The following ZNF618 variants were observed in gnomAD, a reference collection of about 807,000 sequenced individuals.
The protein encoded by ZNF618 is zinc finger protein 618.
ZNF618 carries 34 observed loss-of-function variants against 103.0 expected under a neutral mutation model. The observed-to-expected ratio is 0.33, with a 90% CI of 0.25 to 0.44. The LOEUF (loss-of-function observed/expected upper bound fraction) is 0.44, where lower values mean the gene tolerates loss of function less well. Ranked by LOEUF, ZNF618 falls within the 20% of genes least tolerant of loss-of-function variation. The pLI is 1.00. For synonymous variants in ZNF618, 551 were observed against 542.2 expected (o/e 1.02, Z -0.23); for missense variants, 1,059 against 1,295.4 (o/e 0.82, Z 2.80).
chr9:113,970,175 CAG>C (rs140088372), intron 2 of ZNF618, among the ~76,000 whole-genome samples: 48 of 149,216 alleles, frequency 3.2e-4, no homozygotes, highest in East Asian at 1.6e-3. Context: ...AAGAGAGAGC[CAG>C]AGAGAGAGAG....
At position 114,028,938 on chromosome 9, in the gene ZNF618, A is replaced by G; in HGVS notation, c.1050A>G (p.Pro350=). 6.4e-7 allele frequency: 1 copy of G among 1,550,728 alleles called. No homozygotes were observed. The highest frequency in any genetic ancestry group is 8.7e-7 in the Non-Finnish European group (1 of 1,146,996). ...PATQTQTFRT[P]NSGSPASKAT... Reference sequence around the variant, plus strand: ...CCCAAACCCAGACGTTCCGCACTCCAAATTCGGGATCTCCGGCGAGCAAGG... The same window carrying G: ...CCCAAACCCAGACGTTCCGCACTCCGAATTCGGGATCTCCGGCGAGCAAGG... Residue 350 remains proline, a synonymous_variant, in exon 11 of 15, where the codon CCA becomes CCG. Coordinates refer to ENST00000374126, the MANE Select transcript of ZNF618 (RefSeq NM_001318042.2).
At chr9:113,929,421 C>A (rs963281387) in intron 1 of ZNF618, among the ~76,000 whole-genome samples, 1 of 152,186 alleles carries the variant, frequency 6.6e-6, no homozygotes, top group Non-Finnish European at 1.5e-5. Context: ...GTTTTTGCAG[C>A]TTTTTTCTTG....
intron 1 of ZNF618, among the ~76,000 whole-genome samples, chr9:113,936,773 C>T (rs977218411): frequency 6.6e-6 from 1 of 152,116 alleles, no homozygotes; most frequent in Non-Finnish European, 1.5e-5. Flanking sequence ...TTAAATACCT[C>T]TTCATTCCAA....
rs947976590 is a variant in ZNF618, at chr9:114,055,062, G to A, written c.*4895G>A. The A allele has an allele frequency of 1.3e-5, 2 of 152,106 alleles. No individual in the cohort carries two copies. The highest frequency in any genetic ancestry group is 2.9e-5 in the Non-Finnish European group (2 of 68,044). The allele number at this position is 152,106 out of a possible 1,614,324, so 9.4% of individuals were successfully genotyped here. On this transcript the variant is annotated 3_prime_UTR_variant, in exon 15 of 15. Transcript: ENST00000374126. ...ACCCACGAGGGCCCTGCCCAACCGT[G>A]CGTCCCATGGGGCACCTTGACTCTT... is the stretch of plus-strand genomic sequence containing the variant.
In ZNF618 at chr9:114,056,243, A is replaced by G. The variant is rs1010213874; in HGVS notation, c.*6076A>G. ...AGCCAAATCAGTTTCATGATGTTCA[A>G]AACATTTACTGATGTCAAATGGAGG... On this transcript the variant is annotated 3_prime_UTR_variant, in exon 15 of 15. Coordinates refer to ENST00000374126, the MANE Select transcript of ZNF618 (RefSeq NM_001318042.2). The G allele has an allele frequency of 5.3e-5, 8 of 152,226 alleles. No homozygotes were observed. The highest frequency in any genetic ancestry group is 1.9e-4 in the African/African-American group (8 of 41,444). 9.4% of individuals were successfully genotyped at this position (152,226 alleles called of 1,614,324 possible).
chr9:114,010,910 G>A (rs1842181167), intron 9 of ZNF618, among the ~76,000 whole-genome samples: 1 of 152,118 alleles, frequency 6.6e-6, no homozygotes, highest in African/African-American at 2.4e-5. Context: ...TTTGAATGCT[G>A]TTGTCACCAG....
intron 1 of ZNF618, among the ~76,000 whole-genome samples, chr9:113,930,277 A>G (rs925157728): frequency 6.6e-6 from 1 of 152,246 alleles, no homozygotes; most frequent in African/African-American, 2.4e-5. Flanking sequence ...AGGGGCAGGA[A>G]AAGCGTTGCA....
intron 1 of ZNF618, among the ~76,000 whole-genome samples, chr9:113,909,740 C>G (rs1484307966): frequency 6.6e-6 from 1 of 152,010 alleles, no homozygotes; most frequent in Non-Finnish European, 1.5e-5. Flanking sequence ...GCGGATGCTC[C>G]CATGCTGTAT....
chr9:113,956,334 T>C (rs1175378174), intron 1 of ZNF618, among the ~76,000 whole-genome samples: 1 of 151,948 alleles, frequency 6.6e-6, no homozygotes, highest in Non-Finnish European at 1.5e-5. Context: ...CACAGCACTC[T>C]TTCTAACCGA....
chr9:113,912,159 G>C (rs1055640546), intron 1 of ZNF618, among the ~76,000 whole-genome samples: 1 of 152,216 alleles, frequency 6.6e-6, no homozygotes, highest in Non-Finnish European at 1.5e-5. Flanking sequence ...AGGCTAAGGA[G>C]ATTGGAGGAA....
intron 1 of ZNF618, among the ~76,000 whole-genome samples, chr9:113,917,757 T>A (rs959169104): frequency 4.6e-5 from 7 of 152,166 alleles, no homozygotes; most frequent in Admixed American, 2.0e-4. Context: ...ACACATTTTT[T>A]AAAAAACTTT....
intron 1 of ZNF618, among the ~76,000 whole-genome samples, chr9:113,940,214 G>A (rs1834423722): frequency 6.6e-6 from 1 of 151,828 alleles, no homozygotes; most frequent in Admixed American, 6.6e-5. Context: ...TTGCTTTGTG[G>A]TCAGGGAATA....
At chr9:113,969,343 T>A (rs1179578051) in intron 2 of ZNF618, among the ~76,000 whole-genome samples, 183 bp downstream of exon 2, 1 of 152,230 alleles carries the variant, frequency 6.6e-6, no homozygotes, top group East Asian at 1.9e-4. Flanking sequence ...ATTTTCCATG[T>A]GGCTACCTGT....
At chr9:113,977,641 T>C (rs1436699276) in intron 2 of ZNF618, among the ~76,000 whole-genome samples, 1 of 152,218 alleles carries the variant, frequency 6.6e-6, no homozygotes, top group African/African-American at 2.4e-5. Context: ...TGTACATTGC[T>C]AATTGGTCAG....
chr9:114,022,226 T>A (rs1250450547), intron 10 of ZNF618, among the ~76,000 whole-genome samples: 6 of 152,084 alleles, frequency 3.9e-5, no homozygotes, highest in Non-Finnish European at 7.4e-5. Flanking sequence ...AGTACAATTT[T>A]CTTTTCTTGT....
chr9:113,964,712 GA>G (rs1244800320), intron 1 of ZNF618, among the ~76,000 whole-genome samples: 2 of 144,546 alleles, frequency 1.4e-5, no homozygotes, highest in East Asian at 4.0e-4. Context: ...TGAAAAAAAG[GA>G]AAAAAAGAAA....
rs915398492 is a variant in ZNF618 at position 114,054,452 on chromosome 9, A to G, written c.*4285A>G. 6.6e-6 allele frequency: 1 copy of G among 152,298 alleles called. No homozygotes were observed. Among genetic ancestry groups the G allele is most frequent in the Non-Finnish European group, 1.5e-5 (1 of 68,082 alleles). The allele number at this position is 152,298 out of a possible 1,614,324, so 9.4% of individuals were successfully genotyped here. On this transcript the variant is annotated 3_prime_UTR_variant, in exon 15 of 15. Transcript: ENST00000374126. ...TGCCCTCGCCTTGGCAACAGCGGCA[A>G]TGCCTCTATCTCTGGGATGCATCTT... is the stretch of plus-strand genomic sequence containing the variant.
intron 14 of ZNF618, 30 bp downstream of exon 14, chr9:114,048,024 AG>A: frequency 6.5e-7 from 1 of 1,534,672 alleles, no homozygotes; most frequent in Non-Finnish European, 8.8e-7. Context: ...GCTGGACCTG[AG>A]GGTCCCCTTA....
chr9:113,964,240 G>T (rs1053535228), intron 1 of ZNF618, among the ~76,000 whole-genome samples: 1 of 152,150 alleles, frequency 6.6e-6, no homozygotes, highest in African/African-American at 2.4e-5. Flanking sequence ...CTCAGGCTCG[G>T]TTCTCTTATC....
Sources: allele counts gnomAD v4.1 joint callset (sites outside exome capture counted in the v4.1 genomes callset), GRCh38; gene constraint gnomAD v4.1.1; transcripts MANE v1.5; gene names NCBI Gene and HGNC (gene_info 2026-07-23, HGNC 2026-07-21).